WASF2: variants seen among roughly 807,000 people sequenced by gnomAD.
WASF2 encodes WASP family member 2, also known as actin-binding protein WASF2.
Under a neutral mutation model 45.0 loss-of-function variants are expected in WASF2, and 14 were observed. The ratio of observed to expected loss-of-function variants is 0.31; its 90% CI spans 0.21 to 0.49. The LOEUF (loss-of-function observed/expected upper bound fraction) is 0.49, where lower values mean the gene tolerates loss of function less well. WASF2 is among the 20% of genes least tolerant of loss of function. The probability of loss-of-function intolerance (pLI) is 0.99; values close to 1 mark genes in which losing one functional copy is unlikely to be tolerated. For missense variants in WASF2, 439 were observed against 636.1 expected (o/e 0.69, Z 3.33); for synonymous variants, 200 against 236.3 (o/e 0.85, Z 1.41).
intron 2 of WASF2, 138 bp downstream of exon 2, chr1:27,428,623 G>T: frequency 7.8e-7 from 1 of 1,274,838 alleles, no homozygotes; most frequent in Non-Finnish European, 1.1e-6. Context: ...TCTCTTTGGG[G>T]AGGAGAGGGA....
In WASF2 at chr1:27,467,490, A is replaced by G. The variant is rs148157750; in HGVS notation, c.-44+22496T>C. On this transcript the variant is annotated intron_variant, in intron 1 of 8. Transcript: ENST00000618852. ...TAACTTTTTGGATTTTTTAGTAGAG[A>G]CGGCATTTCACCGTGTTAGCCAGGA... 3.9e-3 allele frequency among the ~76,000 whole-genome samples: 578 copies of G among 149,668 alleles called. 4 individuals are homozygous for G. The highest frequency in any genetic ancestry group is 0.013 in the African/African-American group (545 of 41,196).
intron 2 of WASF2, among the ~76,000 whole-genome samples, chr1:27,421,365 A>C (rs2148107156): frequency 6.6e-6 from 1 of 152,332 alleles, no homozygotes; most frequent in South Asian, 2.1e-4. Flanking sequence ...AAACAAACCA[A>C]GCTCAAAAAT....
rs1397701362 is a variant in WASF2, at chr1:27,405,721, C to T, written c.*2468G>A. On this transcript the variant is annotated 3_prime_UTR_variant, in exon 9 of 9. Coordinates refer to ENST00000618852, the MANE Select transcript of WASF2 (RefSeq NM_006990.5). Reference sequence around the variant, plus strand: ...TGAGGAGGCTTCGCAAGGCCGGCTGCTACAAAGTGCCGAGCTTGGCTGCAT... The same window carrying T: ...TGAGGAGGCTTCGCAAGGCCGGCTGTTACAAAGTGCCGAGCTTGGCTGCAT... The T allele has an allele frequency of 6.6e-6, 1 of 150,472 alleles. No individual in the cohort carries two copies. The highest frequency in any genetic ancestry group is 1.5e-5 in the Non-Finnish European group (1 of 67,906). The allele number at this position is 150,472 out of a possible 1,614,324, so 9.3% of individuals were successfully genotyped here. A position where few individuals can be genotyped will look rare whatever the true frequency, so the allele number is the denominator to read the frequency against.
intron 1 of WASF2, among the ~76,000 whole-genome samples, chr1:27,460,601 AC>A (rs2017530916): frequency 1.3e-5 from 2 of 152,326 alleles, no homozygotes; most frequent in Non-Finnish European, 2.9e-5. Flanking sequence ...TTAAAAGTGA[AC>A]CAGTTTACAC....
chr1:27,426,331 C>G (rs1003220784), intron 2 of WASF2, among the ~76,000 whole-genome samples: 2 of 152,030 alleles, frequency 1.3e-5, no homozygotes, highest in African/African-American at 4.8e-5. Flanking sequence ...GGGGTTGGAT[C>G]AGAGAAAGAA....
intron 1 of WASF2, among the ~76,000 whole-genome samples, chr1:27,466,327 C>T (rs879525962): frequency 9.9e-5 from 15 of 152,172 alleles, no homozygotes; most frequent in Non-Finnish European, 1.5e-4. Context: ...TCTAGGTAAT[C>T]ATCATCCATG....
intron 1 of WASF2, among the ~76,000 whole-genome samples, chr1:27,456,335 AAAAC>A (rs1398747111): frequency 8.6e-5 from 13 of 151,294 alleles, no homozygotes; most frequent in South Asian, 8.4e-4. Context: ...AAAAAAAAAA[AAAAC>A]AACAATGGAA....
intron 1 of WASF2, among the ~76,000 whole-genome samples, chr1:27,455,739 C>T (rs557579133): frequency 5.9e-5 from 9 of 152,228 alleles, no homozygotes; most frequent in East Asian, 5.8e-4. Flanking sequence ...TAACGCTTCC[C>T]GGCCCAGTTC....
In WASF2 at chr1:27,414,742, G is replaced by A; in HGVS notation, c.668+91C>T. On this transcript the variant is annotated intron_variant, in intron 6 of 8. Coordinates refer to ENST00000618852, the MANE Select transcript of WASF2 (RefSeq NM_006990.5). The surrounding 1 kb of genome is among the most constrained non-coding windows in gnomAD (Gnocchi z 4.1). ...ATCTAAGCCACAGAGACAGACTTCA[G>A]GGGGTGTGAAAGGTGTCACACCAGA... The A allele has an allele frequency of 6.6e-7, 1 of 1,506,882 alleles. No individual in the cohort carries two copies. Among genetic ancestry groups the A allele is most frequent in the Non-Finnish European group, 9.0e-7 (1 of 1,112,452 alleles). The allele number at this position is 1,506,882 out of a possible 1,614,324, so 93.3% of individuals were successfully genotyped here.
At chr1:27,427,822 C>G (rs1398288501) in intron 2 of WASF2, among the ~76,000 whole-genome samples, 1 of 152,140 alleles carries the variant, frequency 6.6e-6, no homozygotes, top group African/African-American at 2.4e-5. Context: ...CACCAAGATG[C>G]CTTTGCTAAG....
chr1:27,475,369 G>C (rs565692205), intron 1 of WASF2, among the ~76,000 whole-genome samples: 2 of 152,134 alleles, frequency 1.3e-5, no homozygotes, highest in Admixed American at 6.6e-5. Context: ...AGCCATGGTA[G>C]GCTTCCATCA....
intron 8 of WASF2, among the ~76,000 whole-genome samples, chr1:27,409,428 C>CAA (rs60940665): frequency 0.032 from 1,384 of 43,680 alleles, 178 homozygotes; most frequent in Non-Finnish European, 0.062. Flanking sequence ...CTGTCCCCCA[C>CAA]AAAAAAAAAA....
chr1:27,461,349 G>T (rs571171732), intron 1 of WASF2, among the ~76,000 whole-genome samples: 11 of 149,660 alleles, frequency 7.3e-5, no homozygotes, highest in African/African-American at 1.5e-4. Context: ...ATTAATTAAT[G>T]AATTAATTAA....
At chr1:27,428,211 G>C (rs1468816569) in intron 2 of WASF2, among the ~76,000 whole-genome samples, 4 of 152,130 alleles carry the variant, frequency 2.6e-5, no homozygotes, top group African/African-American at 9.7e-5. Context: ...ACTTGGACCT[G>C]GGGGCTTGCA....
chr1:27,455,990 A>G (rs764510814), intron 1 of WASF2, among the ~76,000 whole-genome samples: 3 of 152,286 alleles, frequency 2.0e-5, no homozygotes, highest in Non-Finnish European at 4.4e-5. Flanking sequence ...ATGGACAGAA[A>G]GATGAACATA....
At chr1:27,419,225 T>A in intron 2 of WASF2, 137 bp from the exon 3 acceptor site, 1 of 869,026 alleles carries the variant, frequency 1.2e-6, no homozygotes, top group Non-Finnish European at 1.8e-6. Context: ...CGGTTTGGGC[T>A]ATATGCAGAT....
intron 1 of WASF2, among the ~76,000 whole-genome samples, chr1:27,487,492 TATA>T (rs562595035): frequency 0.074 from 8,456 of 113,648 alleles, 420 homozygotes; most frequent in African/African-American, 0.086. Flanking sequence ...ATATATATTA[TATA>T]ATATTATAAT....
Position 27,404,837 on chromosome 1 carries a change from G to C in WASF2, c.*3352C>G, listed in dbSNP as rs2016641788. On this transcript the variant is annotated 3_prime_UTR_variant, in exon 9 of 9. Coordinates refer to ENST00000618852, the MANE Select transcript of WASF2 (RefSeq NM_006990.5). ...GGTAGGAGGCACAGAAGGAGGCACAGAATGAGGCACATCTCTGCGCGACAC... is the reference window on the plus strand; with the variant it reads ...GGTAGGAGGCACAGAAGGAGGCACACAATGAGGCACATCTCTGCGCGACAC... 1 of 151,850 alleles carries C rather than the reference G, an allele frequency of 6.6e-6. No individual in the cohort carries two copies. Among genetic ancestry groups the C allele is most frequent in the African/African-American group, 2.4e-5 (1 of 41,298 alleles). 9.4% of individuals were successfully genotyped at this position (151,850 alleles called of 1,614,324 possible). A position where few individuals can be genotyped will look rare whatever the true frequency, so the allele number is the denominator to read the frequency against.
chr1:27,439,419 G>A (rs761519613), intron 1 of WASF2, among the ~76,000 whole-genome samples: 3 of 152,098 alleles, frequency 2.0e-5, no homozygotes, highest in Non-Finnish European at 2.9e-5. Context: ...GTTCTCTTAA[G>A]CATTATACAA....
Sources: allele counts gnomAD v4.1 joint callset (sites outside exome capture counted in the v4.1 genomes callset), GRCh38; gene constraint gnomAD v4.1.1; non-coding constraint Gnocchi (gnomAD v3.1); transcripts MANE v1.5; gene names NCBI Gene and HGNC (gene_info 2026-07-23, HGNC 2026-07-21).